The following BCAS3 variants were observed in gnomAD, a reference collection of about 807,000 sequenced individuals.
The protein encoded by BCAS3 is BCAS3 microtubule associated cell migration factor, also known as BCAS4/BCAS3 fusion.
In BCAS3, 53 loss-of-function variants were observed where a neutral mutation model predicts 116.1. That is an observed-to-expected ratio of 0.46 (90% CI 0.37 to 0.57). BCAS3 has a LOEUF of 0.57. Among genes scored for constraint, BCAS3 ranks in the 20% least tolerant of loss-of-function variants. The probability of loss-of-function intolerance (pLI) is 0.00; values close to 1 mark genes in which losing one functional copy is unlikely to be tolerated. For synonymous variants in BCAS3, 391 were observed against 408.2 expected (o/e 0.96, Z 0.51); for missense variants, 917 against 1,165.4 (o/e 0.79, Z 3.10).
At chr17:61,110,333 G>T (rs1046281000) in intron 22 of BCAS3, among the ~76,000 whole-genome samples, 1 of 152,186 alleles carries the variant, frequency 6.6e-6, no homozygotes, top group African/African-American at 2.4e-5. Flanking sequence ...CTGAGGTACC[G>T]GGTTCATCTC....
chr17:60,690,202 G>C (rs2034624557), intron 4 of BCAS3, among the ~76,000 whole-genome samples: 1 of 152,026 alleles, frequency 6.6e-6, no homozygotes, highest in Non-Finnish European at 1.5e-5. Context: ...TTTTGTAACT[G>C]GCTTATTTCA....
intron 5 of BCAS3, among the ~76,000 whole-genome samples, chr17:60,742,491 G>A (rs1181635412): frequency 1.5e-5 from 2 of 137,282 alleles, no homozygotes; most frequent in African/African-American, 2.8e-5. Flanking sequence ...GGAGTGCAAT[G>A]GTGCAATCTC....
chr17:60,811,338 T>G, intron 7 of BCAS3: 6 of 675,606 alleles, frequency 8.9e-6, no homozygotes, highest in South Asian at 8.6e-5. Context: ...GGTGAGGACT[T>G]CAGTCTTGGT....
Position 61,128,634 on chromosome 17 carries a change from C to G in BCAS3, c.2425+44070C>G. ...GCAAGTAACCCAGCAGAGTTTGTGA[C>G]AGAAACTGTTAGCCCTCTTTTGTAT... On this transcript the variant is annotated intron_variant, in intron 22 of 23. Transcript: ENST00000407086. This position sits in a 1 kb window ranked among gnomAD's most constrained non-coding sequence, Gnocchi z 4.1. 1.0e-6 allele frequency: 1 copy of G among 970,572 alleles called. No individual in the cohort carries two copies. Among genetic ancestry groups the G allele is most frequent in the Non-Finnish European group, 1.2e-6 (1 of 816,486 alleles). The allele number at this position is 970,572 out of a possible 1,614,324, so 60.1% of individuals were successfully genotyped here. A position where few individuals can be genotyped will look rare whatever the true frequency, so the allele number is the denominator to read the frequency against.
At chr17:60,747,611 T>C (rs1306133670) in intron 6 of BCAS3, among the ~76,000 whole-genome samples, 1 of 152,202 alleles carries the variant, frequency 6.6e-6, no homozygotes, top group Non-Finnish European at 1.5e-5. Context: ...GATCCCTTCC[T>C]GGCTGACTGT....
rs200098763 is a variant in BCAS3 at position 60,799,520 on chromosome 17, G to GTTTTTTTTTTTTT, written c.404-8481_404-8480insTTTTTTTTTTTTT. ...AATATGTAAGTTTTTTGAGATTAGT[G>GTTTTTTTTTTTTT]TTTGTTTTTTTTTTTTTTTTTTTTT... On this transcript the variant is annotated intron_variant, in intron 6 of 23. Transcript: ENST00000407086. 2.3e-3 allele frequency among the ~76,000 whole-genome samples: 265 copies of GTTTTTTTTTTTTT among 117,638 alleles called. 69 individuals carry two copies. The highest frequency in any genetic ancestry group is 9.2e-3 in the African/African-American group (250 of 27,170). The allele number at this position is 117,638 out of a possible 152,430, so 77.2% of individuals were successfully genotyped here. A position where few individuals can be genotyped will look rare whatever the true frequency, so the allele number is the denominator to read the frequency against.
At chr17:60,723,983 G>A (rs1193661363) in intron 5 of BCAS3, among the ~76,000 whole-genome samples, 1 of 151,026 alleles carries the variant, frequency 6.6e-6, no homozygotes, top group Non-Finnish European at 1.5e-5. Context: ...GCCTCCCAAA[G>A]TGCTGAGATT....
chr17:61,209,183 A>G (rs1398153087), intron 22 of BCAS3, among the ~76,000 whole-genome samples: 10 of 8,718 alleles, frequency 1.1e-3, no homozygotes, highest in Non-Finnish European at 1.2e-3. Flanking sequence ...ACAGCTAGTG[A>G]AAAAAAAAAA....
intron 13 of BCAS3, among the ~76,000 whole-genome samples, chr17:60,941,914 AAT>A (rs2060244474): frequency 6.6e-6 from 1 of 152,214 alleles, no homozygotes; most frequent in Non-Finnish European, 1.5e-5. Context: ...GTAGGTGAGG[AAT>A]ATATGTTACA....
At chr17:60,785,463 G>A (rs1020347375) in intron 6 of BCAS3, among the ~76,000 whole-genome samples, 10 of 152,156 alleles carry the variant, frequency 6.6e-5, no homozygotes, top group African/African-American at 1.9e-4. Context: ...CCAGCCAGTA[G>A]TTTCCCTTTT....
chr17:60,879,815 T>C (rs1189336877), intron 9 of BCAS3, among the ~76,000 whole-genome samples: 1 of 152,252 alleles, frequency 6.6e-6, no homozygotes. Context: ...ATGCAAAGTT[T>C]ACTTTAAAAT....
rs1392371417 is a variant in BCAS3, at chr17:61,355,802, C to T, written c.2426-12525C>T. On this transcript the variant is annotated intron_variant, in intron 22 of 23. Transcript: ENST00000407086. This position sits in a 1 kb window ranked among gnomAD's most constrained non-coding sequence, Gnocchi z 4.2. ...TGGAATGAGGACTGTCCTAGAAAAC[C>T]CAGTTTGTATGCTTGCTGTCTTGAG... 6.6e-6 allele frequency among the ~76,000 whole-genome samples: 1 copy of T among 152,168 alleles called. No individual in the cohort carries two copies. Among genetic ancestry groups the T allele is most frequent in the Non-Finnish European group, 1.5e-5 (1 of 68,030 alleles).
intron 22 of BCAS3, among the ~76,000 whole-genome samples, chr17:61,238,774 T>C (rs1338227493): frequency 6.6e-6 from 1 of 152,112 alleles, no homozygotes; most frequent in Non-Finnish European, 1.5e-5. Context: ...CCTGTCCTCT[T>C]TGATATACTC....
At position 61,388,989 on chromosome 17, in the gene BCAS3, CAT is replaced by C; in HGVS notation, c.2594-2987_2594-2986del. The C allele has an allele frequency of 2.4e-6, 1 of 414,052 alleles. No homozygotes were observed. The highest frequency in any genetic ancestry group is 3.5e-5 in the South Asian group (1 of 28,650). 25.6% of individuals were successfully genotyped at this position (414,052 alleles called of 1,614,324 possible). The stretch of plus-strand genomic sequence containing the variant: ...TCATTCATTCATTCATTCATTCATT[CAT>C]TCATTCATTCATGCTAGAAATGTTT... On this transcript the variant is annotated intron_variant, in intron 23 of 23. Coordinates refer to ENST00000407086, the MANE Select transcript of BCAS3 (RefSeq NM_017679.5). The surrounding 1 kb of genome is among the most constrained non-coding windows in gnomAD (Gnocchi z 6.5).
intron 7 of BCAS3, among the ~76,000 whole-genome samples, chr17:60,847,382 T>C (rs905568191): frequency 5.3e-5 from 8 of 152,208 alleles, no homozygotes; most frequent in Non-Finnish European, 1.2e-4. Flanking sequence ...GATAATTCTA[T>C]GTTTAACTTT....
chr17:61,204,753 C>CA lies in BCAS3; in HGVS notation c.2425+120195dup, dbSNP rs1450095801. ...TTAATAAGCATTTAGAAAAACTCGA[C>CA]AAAAAATTAAAGAATTGGCCTGGCA... On this transcript the variant is annotated intron_variant, in intron 22 of 23. Coordinates refer to ENST00000407086, the MANE Select transcript of BCAS3 (RefSeq NM_017679.5). This position sits in a 1 kb window ranked among gnomAD's most constrained non-coding sequence, Gnocchi z 4.2. Among the ~76,000 whole-genome samples the CA allele has an allele frequency of 6.6e-6, 1 of 151,910 alleles. No homozygotes were observed. Among genetic ancestry groups the CA allele is most frequent in the African/African-American group, 2.4e-5 (1 of 41,328 alleles).
intron 16 of BCAS3, among the ~76,000 whole-genome samples, chr17:61,025,194 G>C (rs1423337384): frequency 6.6e-6 from 1 of 152,022 alleles, no homozygotes; most frequent in Non-Finnish European, 1.5e-5. Flanking sequence ...ATTTAAATCT[G>C]TGTTTGTCAA....
chr17:61,071,159 A>G (rs1205079562), intron 19 of BCAS3, among the ~76,000 whole-genome samples: 1 of 152,204 alleles, frequency 6.6e-6, no homozygotes, highest in Non-Finnish European at 1.5e-5. Context: ...GTGGACAAAA[A>G]AAGTAAATCC....
rs1373580952 is a variant in BCAS3, at chr17:61,196,360, C to T, written c.2425+111796C>T. Among the ~76,000 whole-genome samples the T allele has an allele frequency of 2.0e-5, 3 of 152,234 alleles. No individual in the cohort carries two copies. The highest frequency in any genetic ancestry group is 2.9e-5 in the Non-Finnish European group (2 of 68,042). ...ATAGCGCGTAAAGCTGTTTGCATAG[C>T]GTGCTAACTCTATCAGGGTCATTTC... On this transcript the variant is annotated intron_variant, in intron 22 of 23. Coordinates refer to ENST00000407086, the MANE Select transcript of BCAS3 (RefSeq NM_017679.5). The surrounding 1 kb of genome is among the most constrained non-coding windows in gnomAD (Gnocchi z 4.7).
Sources: gnomAD v4.1 joint callset for allele counts (sites outside exome capture counted in the v4.1 genomes callset) on GRCh38, gnomAD v4.1.1 for gene constraint, Gnocchi (gnomAD v3.1) non-coding constraint, MANE v1.5 for transcripts, NCBI Gene and HGNC (gene_info 2026-07-23, HGNC 2026-07-21) for gene names.